RAD54L2: variants seen among roughly 807,000 people sequenced by gnomAD.
The protein encoded by RAD54L2 is RAD54 like 2.
In RAD54L2, 27 loss-of-function variants were observed where a neutral mutation model predicts 138.4. That is an observed-to-expected ratio of 0.20 (90% CI 0.14 to 0.27). RAD54L2 has a LOEUF of 0.27. RAD54L2 is among the 10% of genes least tolerant of loss of function. The pLI is 1.00. For synonymous variants in RAD54L2, 644 were observed against 723.2 expected, an observed-to-expected ratio of 0.89 and a Z score of 1.76; for missense variants, 1,396 against 1,890.2, an observed-to-expected ratio of 0.74 and a Z score of 4.85.
chr3:51,580,756 C>T (rs968376862), intron 2 of RAD54L2, among the ~76,000 whole-genome samples: 1 of 152,196 alleles, frequency 6.6e-6, no homozygotes, highest in African/African-American at 2.4e-5. Flanking sequence ...AGCTGACTAA[C>T]ATTACCATTG....
At chr3:51,589,501 G>T (rs1209562477) in intron 2 of RAD54L2, among the ~76,000 whole-genome samples, 2 of 152,160 alleles carry the variant, frequency 1.3e-5, no homozygotes, top group African/African-American at 2.4e-5. Flanking sequence ...TAGCATGGTG[G>T]ACTGGAAGCT....
intron 3 of RAD54L2, among the ~76,000 whole-genome samples, chr3:51,592,359 C>T (rs1161410629): frequency 3.3e-5 from 5 of 151,826 alleles, no homozygotes; most frequent in African/African-American, 7.3e-5. Flanking sequence ...CCACCATGCC[C>T]GGCCTTAAAT....
Position 51,648,404 on chromosome 3 carries a change from A to C in RAD54L2, c.3026+1923A>C, listed in dbSNP as rs975715475. Among the ~76,000 whole-genome samples the C allele has an allele frequency of 3.3e-5, 5 of 152,362 alleles. No individual in the cohort carries two copies. The East Asian group carries it at 9.6e-4, about 29-fold the overall frequency. On this transcript the variant is annotated intron_variant, in intron 19 of 22. Transcript: ENST00000684192. ...AACAAAAGGCAGCAGAAACTTCTGC[A>C]GACTTAAATGTTCCCCGTCTGACAG...
At chr3:51,653,786 T>TG (rs1701517495) in intron 19 of RAD54L2, among the ~76,000 whole-genome samples, 2 of 151,582 alleles carry the variant, frequency 1.3e-5, no homozygotes, top group Middle Eastern at 3.4e-3. Context: ...TGGCATGGTG[T>TG]GGGGGGATGG....
At chr3:51,547,226 C>T (rs555396778) in intron 2 of RAD54L2, among the ~76,000 whole-genome samples, 51 of 152,060 alleles carry the variant, frequency 3.4e-4, no homozygotes, top group Middle Eastern at 3.4e-3. Flanking sequence ...GTGACACACA[C>T]CTAGAAGTTA....
intron 3 of RAD54L2, among the ~76,000 whole-genome samples, chr3:51,626,506 G>T (rs890597846): frequency 1.4e-5 from 2 of 139,294 alleles, no homozygotes; most frequent in Non-Finnish European, 3.0e-5. Context: ...GTGCAATGGT[G>T]TGATCTTGGC....
At position 51,639,631 on chromosome 3, in the gene RAD54L2, T is replaced by C. The variant is rs771376830; in HGVS notation, c.2073T>C (p.Pro691=). The C allele has an allele frequency of 1.1e-5, 18 of 1,613,730 alleles. 1 individual carries two copies. Among genetic ancestry groups the C allele is most frequent in the Admixed American group, 1.0e-4 (6 of 59,980 alleles). The part of the protein sequence containing the change: ...SKFLQGVGFN[P]FQERGNNIVT... ...TCCTACAGGGCGTTGGCTTCAACCC[T>C]TTCCAGGAGCGAGGCAACAACATTG... Residue 691 remains proline, a synonymous_variant, in exon 13 of 23, where the codon CCT becomes CCC. Coordinates refer to ENST00000684192, the MANE Select transcript of RAD54L2 (RefSeq NM_015106.4).
At position 51,657,639 on chromosome 3, in the gene RAD54L2, G is replaced by A; in HGVS notation, c.3286G>A (p.Glu1096Lys). The A allele has an allele frequency of 1.3e-6, 2 of 1,581,736 alleles. No individual in the cohort carries two copies. The highest frequency in any genetic ancestry group is 1.7e-6 in the Non-Finnish European group (2 of 1,161,646). ...TDVQARINAG[E>K]SIHIIRGTKG... ...TGTACAGGCAAGAATTAATGCTGGT[G>A]AGAGCATCCACATCATCCGTGGGAC... The change falls in exon 21 of 23, where the codon GAG (glutamate) becomes AAG (lysine). Residue 1096 changes from glutamate (E) to lysine (K), a missense_variant. Physicochemically the swap from Glu to Lys is moderately conservative, Grantham distance 56. This residue lies in a region of RAD54L2 where 634 missense variants were observed against 711.2 expected (regional missense o/e 0.89). Coordinates refer to ENST00000684192, the MANE Select transcript of RAD54L2 (RefSeq NM_015106.4).
At chr3:51,626,169 C>T (rs1262262392) in intron 3 of RAD54L2, among the ~76,000 whole-genome samples, 1 of 152,042 alleles carries the variant, frequency 6.6e-6, no homozygotes, top group Admixed American at 6.6e-5. Flanking sequence ...GTCTAGAGCA[C>T]CTCAGTTCTG....
At chr3:51,628,995 C>T (rs1418087718) in intron 4 of RAD54L2, among the ~76,000 whole-genome samples, 4 of 152,008 alleles carry the variant, frequency 2.6e-5, no homozygotes, top group Admixed American at 6.6e-5. Context: ...GGATTACAGG[C>T]GTGAACCACC....
intron 21 of RAD54L2, among the ~76,000 whole-genome samples, chr3:51,659,112 T>G (rs1701688533): frequency 6.9e-6 from 1 of 144,392 alleles, no homozygotes; most frequent in South Asian, 2.3e-4. Context: ...TTTTTTTTTT[T>G]TTTTTTTTTT....
chr3:51,547,763 GGAGA>G (rs1698732489), intron 2 of RAD54L2, among the ~76,000 whole-genome samples: 1 of 151,866 alleles, frequency 6.6e-6, no homozygotes. Flanking sequence ...TGTATTTTTT[GGAGA>G]GAGAGGGTTT....
chr3:51,594,446 C>T (rs1220356019), intron 3 of RAD54L2, among the ~76,000 whole-genome samples: 1 of 152,104 alleles, frequency 6.6e-6, no homozygotes, highest in African/African-American at 2.4e-5. Flanking sequence ...AACTGGGGCT[C>T]AGAAAGGTGA....
intron 22 of RAD54L2, among the ~76,000 whole-genome samples, chr3:51,661,878 C>G (rs563874697): frequency 5.9e-5 from 9 of 152,232 alleles, no homozygotes; most frequent in African/African-American, 2.2e-4. Flanking sequence ...CTTCAACATG[C>G]ATCTGCTAAG....
chr3:51,634,519 A>G (rs960597470), intron 9 of RAD54L2, among the ~76,000 whole-genome samples: 1 of 151,874 alleles, frequency 6.6e-6, no homozygotes, highest in Non-Finnish European at 1.5e-5. Flanking sequence ...ACAGGCACCC[A>G]TCACCATGTC....
chr3:51,600,525 C>G (rs1217618702), intron 3 of RAD54L2, among the ~76,000 whole-genome samples: 1 of 152,172 alleles, frequency 6.6e-6, no homozygotes, highest in Non-Finnish European at 1.5e-5. Flanking sequence ...GGCAGGAAGA[C>G]TCATTGAGTC....
At chr3:51,614,869 A>G (rs1700410290) in intron 3 of RAD54L2, among the ~76,000 whole-genome samples, 1 of 151,760 alleles carries the variant, frequency 6.6e-6, no homozygotes, top group Admixed American at 6.6e-5. Context: ...AGTCTTTAAT[A>G]TTAATGCTAT....
In RAD54L2 at chr3:51,663,585, CAA is replaced by C. The variant is rs1701843544; in HGVS notation, c.*168_*169del. On this transcript the variant is annotated 3_prime_UTR_variant, in exon 23 of 23. Coordinates refer to ENST00000684192, the MANE Select transcript of RAD54L2 (RefSeq NM_015106.4). ...GTGGCAGAGCTCTGTTGCTGTTTAACAAAAGAGGCAAAAAAAAAAAAAAAAAA... is the reference window on the plus strand; with the variant it reads ...GTGGCAGAGCTCTGTTGCTGTTTAACAAGAGGCAAAAAAAAAAAAAAAAAA... 2 of 70,854 alleles carry C rather than the reference CAA, an allele frequency of 2.8e-5. No individual in the cohort carries two copies. The highest frequency in any genetic ancestry group is 4.5e-5 in the Non-Finnish European group (2 of 44,002). 4.4% of individuals were successfully genotyped at this position (70,854 alleles called of 1,614,324 possible).
intron 3 of RAD54L2, among the ~76,000 whole-genome samples, 198 bp from the exon 4 acceptor site, chr3:51,627,355 C>T (rs537058160): frequency 6.6e-6 from 1 of 152,308 alleles, no homozygotes; most frequent in African/African-American, 2.4e-5. Flanking sequence ...ATGCAGTCCT[C>T]ACAATAGCTC....
Sources: allele counts gnomAD v4.1 joint callset (sites outside exome capture counted in the v4.1 genomes callset), GRCh38; gene constraint gnomAD v4.1.1; regional missense constraint gnomAD v4.1.1; transcripts MANE v1.5; gene names NCBI Gene and HGNC (gene_info 2026-07-23, HGNC 2026-07-21).